Variants in DYM observed in about 807,000 individuals in gnomAD.
DYM encodes dyggve-Melchior-Clausen syndrome protein.
In DYM, 78 loss-of-function variants were observed where a neutral mutation model predicts 93.1. The ratio of observed to expected loss-of-function variants is 0.84; its 90% CI spans 0.70 to 1.01. The LOEUF (loss-of-function observed/expected upper bound fraction) is 1.01, where lower values mean the gene tolerates loss of function less well. DYM is among the 50% of genes least tolerant of loss of function. DYM has a pLI of 0.00. For missense variants in DYM, 789 were observed against 845.0 expected, an observed-to-expected ratio of 0.93 and a Z score of 0.82; for synonymous variants, 321 against 319.7, an observed-to-expected ratio of 1.00 and a Z score of -0.04.
At chr18:49,105,809 A>G (rs2145738201) in intron 16 of DYM, among the ~76,000 whole-genome samples, 1 of 152,310 alleles carries the variant, frequency 6.6e-6, no homozygotes, top group East Asian at 1.9e-4. Context: ...ACATTTGCTG[A>G]GGAGAGCTTT....
At chr18:49,169,732 C>T (rs1453252743) in intron 14 of DYM, among the ~76,000 whole-genome samples, 1 of 152,092 alleles carries the variant, frequency 6.6e-6, no homozygotes, top group Non-Finnish European at 1.5e-5. Context: ...CTCCTAGAAC[C>T]GAAGGTTGAA....
intron 17 of DYM, among the ~76,000 whole-genome samples, chr18:49,081,057 C>G (rs1169737660): frequency 7.1e-6 from 1 of 141,032 alleles, no homozygotes; most frequent in Admixed American, 7.2e-5. Context: ...ACGTCCCAGA[C>G]GATGGGCGGC....
intron 15 of DYM, among the ~76,000 whole-genome samples, chr18:49,135,216 T>C (rs769021578): frequency 1.2e-4 from 18 of 152,004 alleles, no homozygotes; most frequent in Non-Finnish European, 1.8e-4. Flanking sequence ...ATACTGCAAA[T>C]ACAATTGAAG....
chr18:49,207,234 G>T (rs1236683808), intron 14 of DYM, among the ~76,000 whole-genome samples: 10 of 152,098 alleles, frequency 6.6e-5, no homozygotes, highest in Non-Finnish European at 1.5e-5. Context: ...TATTAATGAG[G>T]GTTAACAATG....
intron 8 of DYM, among the ~76,000 whole-genome samples, chr18:49,305,589 C>G (rs2061228103): frequency 6.6e-6 from 1 of 152,138 alleles, no homozygotes; most frequent in South Asian, 2.1e-4. Flanking sequence ...TATACTTCCT[C>G]CTATATTTAG....
intron 2 of DYM, among the ~76,000 whole-genome samples, chr18:49,421,966 A>G (rs1019750407): frequency 2.0e-5 from 3 of 152,204 alleles, no homozygotes; most frequent in Non-Finnish European, 4.4e-5. Context: ...GAAAGAATAA[A>G]AAGAAATGAA....
chr18:49,153,517 T>C (rs2086051847), intron 15 of DYM, among the ~76,000 whole-genome samples: 1 of 152,126 alleles, frequency 6.6e-6, no homozygotes, highest in Non-Finnish European at 1.5e-5. Context: ...TGGAGCATCT[T>C]GATGGTCTCA....
intron 1 of DYM, among the ~76,000 whole-genome samples, chr18:49,442,131 T>G (rs975862513): frequency 2.6e-5 from 4 of 151,994 alleles, no homozygotes; most frequent in African/African-American, 9.7e-5. Flanking sequence ...TGCCCACCAC[T>G]CAACAAAATC....
intron 5 of DYM, among the ~76,000 whole-genome samples, chr18:49,371,959 T>C (rs1338038851): frequency 6.6e-6 from 1 of 152,106 alleles, no homozygotes; most frequent in African/African-American, 2.4e-5. Context: ...GCAATATCCA[T>C]GTGATCACAG....
At chr18:49,171,879 A>G (rs2088790161) in intron 14 of DYM, among the ~76,000 whole-genome samples, 2 of 152,204 alleles carry the variant, frequency 1.3e-5, no homozygotes, top group Non-Finnish European at 2.9e-5. Context: ...ATCTTTATAT[A>G]ATAAAACTCA....
chr18:49,422,682 A>G (rs2073852841), intron 2 of DYM, among the ~76,000 whole-genome samples: 1 of 152,238 alleles, frequency 6.6e-6, no homozygotes, highest in South Asian at 2.1e-4. Flanking sequence ...AATAGGCTCA[A>G]AATAAAGGGA....
intron 17 of DYM, 58 bp from the exon 18 acceptor site, chr18:49,044,262 G>T: frequency 6.2e-7 from 1 of 1,602,938 alleles, no homozygotes; most frequent in South Asian, 1.1e-5. Context: ...AGCAAAAGTG[G>T]TGAGAGTTTG....
At chr18:49,415,654 A>G (rs905722438) in intron 2 of DYM, among the ~76,000 whole-genome samples, 3 of 152,096 alleles carry the variant, frequency 2.0e-5, no homozygotes, top group African/African-American at 7.2e-5. Context: ...GTGGCTGGGC[A>G]TGGTGGCTCA....
At chr18:49,333,560 A>G (rs1206455038) in intron 7 of DYM, among the ~76,000 whole-genome samples, 168 bp downstream of exon 7, 4 of 152,232 alleles carry the variant, frequency 2.6e-5, no homozygotes, top group Non-Finnish European at 5.9e-5. Flanking sequence ...GGTAGATGGC[A>G]CAGGAAAGTA....
chr18:49,215,829 A>C (rs1313785607), intron 13 of DYM, among the ~76,000 whole-genome samples: 2 of 152,230 alleles, frequency 1.3e-5, no homozygotes, highest in Non-Finnish European at 2.9e-5. Flanking sequence ...GCAATGCAGA[A>C]GACGGGTGAT....
At chr18:49,092,017 G>A (rs1317708357) in intron 17 of DYM, among the ~76,000 whole-genome samples, 1 of 151,976 alleles carries the variant, frequency 6.6e-6, no homozygotes, top group African/African-American at 2.4e-5. Flanking sequence ...AACAGAATAG[G>A]CAATATCGGA....
At chr18:49,154,596 C>G (rs1313776624) in intron 15 of DYM, among the ~76,000 whole-genome samples, 2 of 152,008 alleles carry the variant, frequency 1.3e-5, no homozygotes, top group African/African-American at 2.4e-5. Context: ...GGTTTCACCA[C>G]GTTGTTCAGG....
At chr18:49,309,099 A>G (rs2061438826) in intron 8 of DYM, among the ~76,000 whole-genome samples, 1 of 152,234 alleles carries the variant, frequency 6.6e-6, no homozygotes, top group African/African-American at 2.4e-5. Flanking sequence ...GCTAGACAAG[A>G]GCATAAAAAA....
At chr18:49,217,044 G>C (rs984244662) in intron 13 of DYM, among the ~76,000 whole-genome samples, 1 of 152,140 alleles carries the variant, frequency 6.6e-6, no homozygotes, top group African/African-American at 2.4e-5. Flanking sequence ...ATAATCAATA[G>C]AGAGAAGTGC....
Sources: gnomAD v4.1 joint callset for allele counts (sites outside exome capture counted in the v4.1 genomes callset) on GRCh38, gnomAD v4.1.1 for gene constraint, MANE v1.5 for transcripts, NCBI Gene and HGNC (gene_info 2026-07-23, HGNC 2026-07-21) for gene names.